Variants in CUZD1 observed in about 807,000 individuals in gnomAD.
CUZD1 encodes CUB and zona pellucida like domains 1.
Under a neutral mutation model 53.1 loss-of-function variants are expected in CUZD1, and 42 were observed. The ratio of observed to expected loss-of-function variants is 0.79; its 90% confidence interval spans 0.62 to 1.02. The LOEUF (loss-of-function observed/expected upper bound fraction) is 1.02, where lower values mean the gene tolerates loss of function less well. Ranked by LOEUF, CUZD1 falls within the 50% of genes least tolerant of loss-of-function variation. CUZD1 has a pLI of 0.00. For missense variants in CUZD1, 670 were observed against 715.7 expected (o/e 0.94, Z 0.73); for synonymous variants, 238 against 257.2 (o/e 0.93, Z 0.71).
chr10:122,832,214 C>T lies in CUZD1; in HGVS notation c.*64G>A. The T allele has an allele frequency of 2.0e-6, 3 of 1,536,642 alleles. No homozygotes were observed. The highest frequency in any genetic ancestry group is 2.7e-6 in the Non-Finnish European group (3 of 1,117,614). On this transcript the variant is annotated 3_prime_UTR_variant, in exon 9 of 9. Transcript: ENST00000392790. Reference sequence around the variant, plus strand: ...CTCATTTATTCATAATATGTGTAGCCACGAGGTAGCATTTCCTTTGGCATC... The same window carrying T: ...CTCATTTATTCATAATATGTGTAGCTACGAGGTAGCATTTCCTTTGGCATC...
chr10:122,845,230 C>CCA (rs1321002586), intron 1 of CUZD1, among the ~76,000 whole-genome samples: 3 of 152,108 alleles, frequency 2.0e-5, no homozygotes, highest in Non-Finnish European at 4.4e-5. Flanking sequence ...GCACGCATCA[C>CCA]CACACCTGGC....
rs762017332 is a variant in CUZD1, at chr10:122,832,352, C to T, written c.1750G>A (p.Val584Ile). Residue 584 changes from valine to isoleucine, a missense_variant, in exon 9 of 9, where the codon GTA becomes ATA. Coordinates refer to ENST00000392790, the MANE Select transcript of CUZD1 (RefSeq NM_022034.6). Reference protein sequence around the residue: ...FMVLALNVVTVATITVRHFVN... With the variant: ...FMVLALNVVTIATITVRHFVN... ...AAATGCCTCACTGTGATTGTCGCTA[C>T]AGTCACCACATTCAGAGCTAGAACC... The T allele has an allele frequency of 5.6e-6, 9 of 1,614,138 alleles. No homozygotes were observed. Among genetic ancestry groups the T allele is most frequent in the Middle Eastern group, 1.6e-4 (1 of 6,062 alleles).
Position 122,839,246 on chromosome 10 carries a change from C to T in CUZD1, c.234-15G>A, listed in dbSNP as rs748540906. On this transcript the variant is annotated splice_polypyrimidine_tract_variant and intron_variant, in intron 2 of 8. Transcript: ENST00000392790. ...CTGGATCAAGCCTGTGGAAAAAACACAACTGTGGCTGAAGAAGTGTCACAA... is the reference window on the plus strand; with the variant it reads ...CTGGATCAAGCCTGTGGAAAAAACATAACTGTGGCTGAAGAAGTGTCACAA... 2.5e-6 allele frequency: 4 copies of T among 1,611,296 alleles called. No homozygotes were observed. In the Admixed American group the frequency reaches 5.0e-5, roughly 20 times the overall value.
intron 1 of CUZD1, 74 bp downstream of exon 1, chr10:122,845,688 A>G (rs1445060243): frequency 7.5e-7 from 1 of 1,328,588 alleles, no homozygotes; most frequent in Non-Finnish European, 1.1e-6. Context: ...AAACACTTTG[A>G]AAAATTTTGA....
At chr10:122,844,299 G>A (rs930427935) in intron 1 of CUZD1, among the ~76,000 whole-genome samples, 1 of 152,008 alleles carries the variant, frequency 6.6e-6, no homozygotes, top group Non-Finnish European at 1.5e-5. Context: ...GCCCCCCAAA[G>A]TGCTGGGATT....
At chr10:122,833,376 T>C (rs1440263721) in intron 8 of CUZD1, among the ~76,000 whole-genome samples, 1 of 152,170 alleles carries the variant, frequency 6.6e-6, no homozygotes, top group African/African-American at 2.4e-5. Flanking sequence ...CCATCTATAA[T>C]AAGGAGTCAG....
chr10:122,841,569 T>C (rs1181805575), intron 1 of CUZD1, among the ~76,000 whole-genome samples: 2 of 152,218 alleles, frequency 1.3e-5, no homozygotes, highest in Admixed American at 1.3e-4. Context: ...GAAGGATGGT[T>C]TGTATTTTTA....
Position 122,836,358 on chromosome 10 carries a change from GAAAAA to G in CUZD1, c.818-13_818-9del, listed in dbSNP as rs11365591. On this transcript the variant is annotated splice_polypyrimidine_tract_variant and intron_variant, in intron 5 of 8. Transcript: ENST00000392790. ...AAGAGCAAGTTAAAGATGCTGTCAG[GAAAAA>G]AAAAAAAAAAAGAATGGTCATGTTT... is the stretch of plus-strand genomic sequence containing the variant. 2.2e-4 allele frequency: 265 copies of G among 1,206,800 alleles called. No individual in the cohort carries two copies. Among genetic ancestry groups the G allele is most frequent in the South Asian group, 6.9e-4 (35 of 51,072 alleles). 74.8% of individuals were successfully genotyped at this position (1,206,800 alleles called of 1,614,324 possible). A position where few individuals can be genotyped will look rare whatever the true frequency, so the allele number is the denominator to read the frequency against.
chr10:122,833,249 T>C (rs1847187367), intron 8 of CUZD1, among the ~76,000 whole-genome samples: 1 of 152,174 alleles, frequency 6.6e-6, no homozygotes, highest in Non-Finnish European at 1.5e-5. Flanking sequence ...AATAGATTCT[T>C]TGTCTTTTTT....
chr10:122,841,674 A>G lies in CUZD1; in HGVS notation c.83-346T>C, dbSNP rs372611412. On this transcript the variant is annotated intron_variant, in intron 1 of 8. Transcript: ENST00000392790. ...ATATGTTAAGTGTATATTTAACTGCATAAGAAACTGCCAAACCATTTGCCA... is the reference window on the plus strand; with the variant it reads ...ATATGTTAAGTGTATATTTAACTGCGTAAGAAACTGCCAAACCATTTGCCA... Among the ~76,000 whole-genome samples the G allele has an allele frequency of 6.6e-5, 10 of 152,372 alleles. No individual in the cohort carries two copies. The South Asian group carries it at 1.9e-3, about 28-fold the overall frequency.
At position 122,833,834 on chromosome 10, in the gene CUZD1, G is replaced by T. The variant is rs148498055; in HGVS notation, c.1489C>A (p.Gln497Lys). 2 of 1,613,888 alleles carry T rather than the reference G, an allele frequency of 1.2e-6. No homozygotes were observed. The highest frequency in any genetic ancestry group is 1.7e-6 in the Non-Finnish European group (2 of 1,179,976). Residue 497 changes from glutamine (Q) to lysine (K), a missense_variant, in exon 8 of 9, where the codon CAG (glutamine) becomes AAG (lysine). Transcript: ENST00000392790. The stretch of plus-strand genomic sequence containing the variant: ...CTATCACATATCAAAACTTTACACT[G>T]CAGATACACAGAGCTCATACTTCTC... ...FLRSMSSVYL[Q>K]CKVLICDSSD...
At chr10:122,844,871 C>T (rs1847411373) in intron 1 of CUZD1, among the ~76,000 whole-genome samples, 1 of 152,062 alleles carries the variant, frequency 6.6e-6, no homozygotes, top group Non-Finnish European at 1.5e-5. Flanking sequence ...CTCCCATATA[C>T]TCCCATAACC....
chr10:122,841,109 G>T, intron 2 of CUZD1, 69 bp downstream of exon 2: 1 of 1,428,612 alleles, frequency 7.0e-7, no homozygotes, highest in Non-Finnish European at 9.5e-7. Flanking sequence ...TCTACAGAGA[G>T]TCCCCCTACC....
rs780429363 is a variant in CUZD1 at position 122,845,823 on chromosome 10, G to A, written c.21C>T (p.Leu7=). The part of the protein sequence containing the change: MELVRR[L]MPLTLLILSC... The stretch of plus-strand genomic sequence containing the variant: ...AGAGAATTAAGAGGGTCAATGGCAT[G>A]AGCCTTCTTACAAGCTCCATTTTGG... Residue 7 remains leucine, a synonymous_variant, in exon 1 of 9, where the codon CTC becomes CTT. Coordinates refer to ENST00000392790, the MANE Select transcript of CUZD1 (RefSeq NM_022034.6). 3 of 1,614,050 alleles carry A rather than the reference G, an allele frequency of 1.9e-6. No homozygotes were observed. The highest frequency in any genetic ancestry group is 2.2e-5 in the South Asian group (2 of 90,990).
At position 122,836,204 on chromosome 10, in the gene CUZD1, G is replaced by T; in HGVS notation, c.964C>A (p.Leu322Ile). The T allele has an allele frequency of 2.5e-6, 4 of 1,607,302 alleles. No individual in the cohort carries two copies. Among genetic ancestry groups the T allele is most frequent in the Non-Finnish European group, 2.5e-6 (3 of 1,178,104 alleles). The change falls in exon 6 of 9, where the codon CTT becomes ATT. Residue 322 changes from leucine (L) to isoleucine (I), a missense_variant. By Grantham distance (5) the Leu-to-Ile change is conservative. Coordinates refer to ENST00000392790, the MANE Select transcript of CUZD1 (RefSeq NM_022034.6). The stretch of plus-strand genomic sequence containing the variant: ...TTTCTGATTGTACCACATCCATTAA[G>T]AGGGACAGAAAATTCCACAACATTT... ...LSNVVEFSVP[L>I]NGCGTIRKVE...
chr10:122,832,931 G>A (rs1847182114), intron 8 of CUZD1, among the ~76,000 whole-genome samples: 1 of 152,124 alleles, frequency 6.6e-6, no homozygotes, highest in African/African-American at 2.4e-5. Context: ...AGCCACTAGT[G>A]AATGCGTTTA....
intron 1 of CUZD1, among the ~76,000 whole-genome samples, chr10:122,843,938 A>C (rs1056849399): frequency 1.4e-5 from 2 of 147,908 alleles, no homozygotes; most frequent in Admixed American, 1.4e-4. Context: ...ACATTGGTCT[A>C]TATATAGAGA....
intron 1 of CUZD1, among the ~76,000 whole-genome samples, chr10:122,844,178 A>G (rs1237802208): frequency 6.6e-6 from 1 of 151,720 alleles, no homozygotes; most frequent in Non-Finnish European, 1.5e-5. Flanking sequence ...ACAGTCATGT[A>G]CCACCATGCC....
At chr10:122,833,119 T>G (rs1049791806) in intron 8 of CUZD1, among the ~76,000 whole-genome samples, 1 of 152,238 alleles carries the variant, frequency 6.6e-6, no homozygotes, top group Non-Finnish European at 1.5e-5. Context: ...CATTAAGGCT[T>G]ATCTTAAGCC....
Sources: allele counts gnomAD v4.1 joint callset (sites outside exome capture counted in the v4.1 genomes callset), GRCh38; gene constraint gnomAD v4.1.1; transcripts MANE v1.5; gene names NCBI Gene and HGNC (gene_info 2026-07-23, HGNC 2026-07-21).